Variants in UNC5D observed in about 807,000 individuals in gnomAD.
The protein encoded by UNC5D is netrin receptor UNC5D.
Under a neutral mutation model 105.4 loss-of-function variants are expected in UNC5D, and 39 were observed. The observed-to-expected ratio is 0.37, with a 90% confidence interval of 0.29 to 0.48. The LOEUF is 0.48. UNC5D is among the 20% of genes least tolerant of loss of function. UNC5D has a pLI of 0.98. For missense variants in UNC5D, 991 were observed against 1,202.4 expected (o/e 0.82, Z 2.60); for synonymous variants, 452 against 450.4 (o/e 1.00, Z -0.04).
intron 1 of UNC5D, among the ~76,000 whole-genome samples, chr8:35,538,601 C>G (rs776796389): frequency 6.6e-6 from 1 of 151,238 alleles, no homozygotes; most frequent in South Asian, 2.1e-4. Flanking sequence ...CCATTGTAGT[C>G]ATGTAGGGGA....
chr8:35,235,561 G>A lies in UNC5D; in HGVS notation c.-224G>A, dbSNP rs1447505017. On this transcript the variant is annotated 5_prime_UTR_variant, in exon 1 of 17. Transcript: ENST00000404895. Reference sequence around the variant, plus strand: ...GACTCCGGCATCCGCGCTGGCGGCAGCGGTCGCCGCGCCGTGGGAAGCTAT... The same window carrying A: ...GACTCCGGCATCCGCGCTGGCGGCAACGGTCGCCGCGCCGTGGGAAGCTAT... The A allele has an allele frequency of 5.4e-6, 2 of 372,924 alleles. No homozygotes were observed. The highest frequency in any genetic ancestry group is 4.2e-5 in the African/African-American group (2 of 47,634). 23.1% of individuals were successfully genotyped at this position (372,924 alleles called of 1,614,324 possible).
At chr8:35,371,176 GCACACACA>G (rs10563262) in intron 1 of UNC5D, among the ~76,000 whole-genome samples, 4 of 149,280 alleles carry the variant, frequency 2.7e-5, no homozygotes, top group East Asian at 2.0e-4. Flanking sequence ...TTGTGCCACT[GCACACACA>G]CACACACACA....
intron 1 of UNC5D, among the ~76,000 whole-genome samples, chr8:35,376,372 G>A (rs752859420): frequency 6.6e-6 from 1 of 152,178 alleles, no homozygotes; most frequent in Non-Finnish European, 1.5e-5. Context: ...TGTATTTGGT[G>A]AAGAACGAGT....
chr8:35,628,187 G>A (rs1368531550), intron 4 of UNC5D, among the ~76,000 whole-genome samples: 6 of 152,026 alleles, frequency 3.9e-5, no homozygotes, highest in African/African-American at 2.4e-5. Flanking sequence ...AGGCTGGAGT[G>A]CAGTGGCATG....
At chr8:35,419,787 C>A (rs1805770984) in intron 1 of UNC5D, among the ~76,000 whole-genome samples, 1 of 152,176 alleles carries the variant, frequency 6.6e-6, no homozygotes, top group Non-Finnish European at 1.5e-5. Context: ...ACCCACCATT[C>A]AGCAGGCTCC....
At chr8:35,420,085 T>G (rs1805795133) in intron 1 of UNC5D, among the ~76,000 whole-genome samples, 1 of 151,760 alleles carries the variant, frequency 6.6e-6, no homozygotes, top group South Asian at 2.1e-4. Flanking sequence ...CAAAAAAGGG[T>G]TTTCAGCCCT....
intron 1 of UNC5D, among the ~76,000 whole-genome samples, chr8:35,278,020 T>C (rs1162361711): frequency 1.3e-5 from 2 of 152,170 alleles, no homozygotes; most frequent in East Asian, 3.9e-4. Context: ...GCCTGTTTCT[T>C]TCTATAGTTA....
chr8:35,566,855 G>A (rs1817374995), intron 2 of UNC5D, among the ~76,000 whole-genome samples: 1 of 152,162 alleles, frequency 6.6e-6, no homozygotes, highest in African/African-American at 2.4e-5. Context: ...ATGTGTGCTG[G>A]ATGAAGAGGA....
intron 1 of UNC5D, among the ~76,000 whole-genome samples, chr8:35,348,328 G>A (rs1388651130): frequency 6.6e-6 from 1 of 151,888 alleles, no homozygotes; most frequent in Non-Finnish European, 1.5e-5. Context: ...AAGCAGAGGA[G>A]CAAGAGTAAA....
chr8:35,363,657 T>A (rs1253212911), intron 1 of UNC5D, among the ~76,000 whole-genome samples: 1 of 152,168 alleles, frequency 6.6e-6, no homozygotes, highest in Admixed American at 6.5e-5. Flanking sequence ...GATGCTAAAC[T>A]AAGTCATTTG....
chr8:35,542,730 C>A (rs1563518019), intron 1 of UNC5D, among the ~76,000 whole-genome samples: 1 of 152,038 alleles, frequency 6.6e-6, no homozygotes, highest in Non-Finnish European at 1.5e-5. Flanking sequence ...CTACAGGGAG[C>A]AAATGATAAA....
At chr8:35,370,760 T>C (rs2128924701) in intron 1 of UNC5D, among the ~76,000 whole-genome samples, 1 of 152,320 alleles carries the variant, frequency 6.6e-6, no homozygotes. Flanking sequence ...TGTAGTTTAA[T>C]CATAGTTTCT....
intron 14 of UNC5D, among the ~76,000 whole-genome samples, chr8:35,762,511 A>G (rs1485464692): frequency 1.3e-5 from 2 of 152,226 alleles, no homozygotes; most frequent in African/African-American, 4.8e-5. Flanking sequence ...AGTCTCCCCA[A>G]GTAAACAATT....
At chr8:35,628,396 A>T (rs1821824104) in intron 4 of UNC5D, among the ~76,000 whole-genome samples, 1 of 152,142 alleles carries the variant, frequency 6.6e-6, no homozygotes, top group African/African-American at 2.4e-5. Context: ...AGCCTCCCAA[A>T]GTGCTAGGAT....
At chr8:35,637,308 A>G (rs1401765721) in intron 4 of UNC5D, among the ~76,000 whole-genome samples, 1 of 152,192 alleles carries the variant, frequency 6.6e-6, no homozygotes, top group Non-Finnish European at 1.5e-5. Context: ...ACTAGGATCA[A>G]TTGTCATACC....
At position 35,509,658 on chromosome 8, in the gene UNC5D, C is replaced by G. The variant is rs138648105; in HGVS notation, c.104-39634C>G. On this transcript the variant is annotated intron_variant, in intron 1 of 16. Transcript: ENST00000404895. ...AACAGTGGGGTCTTCTTATTCTCTT[C>G]TTACCACAACACAGAATACTTCTGT... Among the ~76,000 whole-genome samples the G allele has an allele frequency of 8.7e-3, 1,314 of 151,306 alleles. 11 individuals carry two copies. The highest frequency in any genetic ancestry group is 0.013 in the Non-Finnish European group (911 of 67,864).
intron 16 of UNC5D, among the ~76,000 whole-genome samples, chr8:35,790,067 C>T (rs1320594645): frequency 6.6e-6 from 1 of 152,038 alleles, no homozygotes; most frequent in Non-Finnish European, 1.5e-5. Context: ...TGAGCTGTGA[C>T]TGTGCCATTG....
chr8:35,260,303 C>T (rs1804393023), intron 1 of UNC5D, among the ~76,000 whole-genome samples: 1 of 152,094 alleles, frequency 6.6e-6, no homozygotes, highest in Non-Finnish European at 1.5e-5. Flanking sequence ...TCCAAAGCAC[C>T]ATATTTTACC....
chr8:35,742,737 A>C (rs1364979800), intron 11 of UNC5D, among the ~76,000 whole-genome samples: 1 of 152,158 alleles, frequency 6.6e-6, no homozygotes, highest in Non-Finnish European at 1.5e-5. Flanking sequence ...CAGAGGTAAA[A>C]TGTCCAGGAT....
Sources: allele counts gnomAD v4.1 joint callset (sites outside exome capture counted in the v4.1 genomes callset), GRCh38; gene constraint gnomAD v4.1.1; transcripts MANE v1.5; gene names NCBI Gene and HGNC (gene_info 2026-07-23, HGNC 2026-07-21).